The following NPAS3 variants were observed in gnomAD, a reference collection of about 807,000 sequenced individuals.
NPAS3 encodes the protein neuronal PAS domain protein 3, also known as neuronal PAS domain-containing protein 3.
NPAS3 carries 14 observed loss-of-function variants against 73.1 expected under a neutral mutation model. That is an observed-to-expected ratio of 0.19 (90% CI 0.13 to 0.30). NPAS3 has a LOEUF of 0.30. Ranked by LOEUF, NPAS3 falls within the 10% of genes least tolerant of loss-of-function variation. NPAS3 has a pLI of 1.00. For synonymous variants in NPAS3, 620 were observed against 541.5 expected (o/e 1.14, Z -2.01); for missense variants, 1,096 against 1,250.0 (o/e 0.88, Z 1.86).
rs990205049 is a variant in NPAS3 at position 33,252,814 on chromosome 14, C to A, written c.385+37388C>A. ...CTCCCACCCTCCCTTCTTTTGGAGTCCCCAGTCTGTATTATCTATCTTTAT... is the reference window on the plus strand; with the variant it reads ...CTCCCACCCTCCCTTCTTTTGGAGTACCCAGTCTGTATTATCTATCTTTAT... On this transcript the variant is annotated intron_variant, in intron 3 of 11. Coordinates refer to ENST00000356141, the Ensembl canonical transcript of NPAS3. Among the ~76,000 whole-genome samples, 8 of 151,688 alleles carry A rather than the reference C, an allele frequency of 5.3e-5. No individual in the cohort carries two copies. In the East Asian group the frequency reaches 1.6e-3, roughly 29 times the overall value.
At chr14:33,613,996 C>G (rs1018087395) in intron 5 of NPAS3, among the ~76,000 whole-genome samples, 3 of 152,202 alleles carry the variant, frequency 2.0e-5, no homozygotes, top group African/African-American at 7.2e-5. Context: ...TAGTCATCAC[C>G]TAGTAGGCTT....
intron 2 of NPAS3, among the ~76,000 whole-genome samples, chr14:33,082,599 GAATTTA>G (rs1258950903): frequency 6.6e-6 from 1 of 152,136 alleles, no homozygotes; most frequent in East Asian, 1.9e-4. Context: ...GCATTATATG[GAATTTA>G]GCACTATACC....
intron 5 of NPAS3, among the ~76,000 whole-genome samples, chr14:33,583,680 A>G (rs778286029): frequency 5.3e-5 from 8 of 152,218 alleles, no homozygotes; most frequent in Non-Finnish European, 8.8e-5. Context: ...ACCTGGATTT[A>G]AGAGAAACTT....
At chr14:33,117,007 GTTCT>G (rs1187312601) in intron 2 of NPAS3, among the ~76,000 whole-genome samples, 1 of 152,064 alleles carries the variant, frequency 6.6e-6, no homozygotes, top group African/African-American at 2.4e-5. Context: ...ACAAAAACAT[GTTCT>G]TTCTTTATAA....
chr14:33,227,343 A>T (rs1324752589), intron 3 of NPAS3, among the ~76,000 whole-genome samples: 1 of 152,198 alleles, frequency 6.6e-6, no homozygotes, highest in East Asian at 1.9e-4. Context: ...TTGTTGCTAT[A>T]CGAACAACTC....
At chr14:33,352,017 C>T (rs780570512) in intron 3 of NPAS3, among the ~76,000 whole-genome samples, 31 of 151,710 alleles carry the variant, frequency 2.0e-4, no homozygotes, top group Non-Finnish European at 3.8e-4. Context: ...GCACGTTCTG[C>T]ACATGTACCC....
chr14:33,039,035 A>C (rs2040263556), intron 1 of NPAS3, among the ~76,000 whole-genome samples: 1 of 152,192 alleles, frequency 6.6e-6, no homozygotes, highest in African/African-American at 2.4e-5. Flanking sequence ...GGATGTCATC[A>C]GTATCCCATG....
intron 2 of NPAS3, among the ~76,000 whole-genome samples, chr14:33,161,455 C>A (rs1233648104): frequency 6.6e-6 from 1 of 152,144 alleles, no homozygotes; most frequent in Non-Finnish European, 1.5e-5. Context: ...GATCCCAAGG[C>A]CCAAGTTCTT....
chr14:33,662,080 G>A (rs1187310552), intron 5 of NPAS3, among the ~76,000 whole-genome samples: 3 of 152,216 alleles, frequency 2.0e-5, no homozygotes, highest in African/African-American at 7.2e-5. Flanking sequence ...CAATGTATCA[G>A]TGCTCTCTTA....
At chr14:33,430,389 ACTGGCTCTC>A (rs2048733647) in intron 4 of NPAS3, among the ~76,000 whole-genome samples, 1 of 152,104 alleles carries the variant, frequency 6.6e-6, no homozygotes, top group African/African-American at 2.4e-5. Context: ...TAACGATCAC[ACTGGCTCTC>A]CTTGGGTCTT....
chr14:33,096,588 A>G (rs2042426156), intron 2 of NPAS3, among the ~76,000 whole-genome samples: 1 of 152,194 alleles, frequency 6.6e-6, no homozygotes, highest in Non-Finnish European at 1.5e-5. Flanking sequence ...TCTGTGCCTC[A>G]ATTTCCTTGT....
At chr14:33,594,851 G>A (rs1051826680) in intron 5 of NPAS3, among the ~76,000 whole-genome samples, 1 of 152,162 alleles carries the variant, frequency 6.6e-6, no homozygotes, top group African/African-American at 2.4e-5. Context: ...ATGGTCTGAA[G>A]GCCTCTTCAT....
intron 4 of NPAS3, among the ~76,000 whole-genome samples, chr14:33,371,659 G>A (rs1297244937): frequency 1.3e-5 from 2 of 152,040 alleles, no homozygotes; most frequent in South Asian, 2.1e-4. Flanking sequence ...ATCTAAAAAT[G>A]TTCATATCTA....
intron 4 of NPAS3, among the ~76,000 whole-genome samples, chr14:33,413,449 C>T (rs764498010): frequency 4.6e-5 from 7 of 152,056 alleles, no homozygotes; most frequent in Non-Finnish European, 1.0e-4. Context: ...GCAGCATCCT[C>T]AGATCTATCT....
intron 9 of NPAS3, among the ~76,000 whole-genome samples, chr14:33,780,437 C>T (rs1477786136): frequency 6.6e-6 from 1 of 152,086 alleles, no homozygotes; most frequent in African/African-American, 2.4e-5. Context: ...CCAGACTTCA[C>T]AAATGAATAT....
chr14:33,107,602 G>A (rs981660716), intron 2 of NPAS3, among the ~76,000 whole-genome samples: 2 of 152,100 alleles, frequency 1.3e-5, no homozygotes, highest in African/African-American at 4.8e-5. Context: ...CTATTTTATG[G>A]CTGTGTAGTA....
rs574513707 is a variant in NPAS3, at chr14:33,156,222, C to T, written c.141-58960C>T. On this transcript the variant is annotated intron_variant, in intron 2 of 11. Coordinates refer to ENST00000356141, the Ensembl canonical transcript of NPAS3. ...TCCTTTATTTCATAGCAGGGATTGGCATTTGTGCAATATTCTTTAGTTAAA... is the reference window on the plus strand; with the variant it reads ...TCCTTTATTTCATAGCAGGGATTGGTATTTGTGCAATATTCTTTAGTTAAA... 8.5e-5 allele frequency among the ~76,000 whole-genome samples: 13 copies of T among 152,256 alleles called. No homozygotes were observed. The South Asian group carries it at 1.9e-3, about 22-fold the overall frequency.
At chr14:33,031,929 G>A (rs2040010696) in intron 1 of NPAS3, among the ~76,000 whole-genome samples, 1 of 152,316 alleles carries the variant, frequency 6.6e-6, no homozygotes, top group East Asian at 1.9e-4. Context: ...ATAATTTGCT[G>A]CATATAAGTA....
intron 7 of NPAS3, 50 bp downstream of exon 7, chr14:33,735,382 G>A (rs1436624582): frequency 7.7e-7 from 1 of 1,293,518 alleles, no homozygotes; most frequent in Middle Eastern, 1.8e-4. Context: ...CCAGTCCTAG[G>A]TAATTTGCAT....
Sources: gnomAD v4.1 joint callset for allele counts (sites outside exome capture counted in the v4.1 genomes callset) on GRCh38, gnomAD v4.1.1 for gene constraint, MANE v1.5 for transcripts, NCBI Gene and HGNC (gene_info 2026-07-23, HGNC 2026-07-21) for gene names.